Variants in QRICH1 observed in about 807,000 individuals in gnomAD.
The protein encoded by QRICH1 is glutamine rich 1.
A neutral mutation model predicts 87.1 loss-of-function variants in QRICH1; 16 were observed. The ratio of observed to expected loss-of-function variants is 0.18; its 90% CI spans 0.12 to 0.28. The LOEUF (loss-of-function observed/expected upper bound fraction) is 0.28, where lower values mean the gene tolerates loss of function less well. Among genes scored for constraint, QRICH1 ranks in the 10% least tolerant of loss-of-function variants. QRICH1 has a pLI of 1.00. For missense variants in QRICH1, 647 were observed against 951.7 expected (o/e 0.68, Z 4.21); for synonymous variants, 367 against 368.4 (o/e 1.00, Z 0.05).
chr3:49,062,698 C>T (rs2093442324), intron 2 of QRICH1, among the ~76,000 whole-genome samples: 1 of 150,262 alleles, frequency 6.7e-6, no homozygotes, highest in African/African-American at 2.4e-5. Context: ...CTCAATAAAG[C>T]TGTTACTAAG....
intron 1 of QRICH1, among the ~76,000 whole-genome samples, chr3:49,092,920 TATA>T (rs2042305501): frequency 1.3e-5 from 2 of 152,264 alleles, no homozygotes; most frequent in African/African-American, 4.8e-5. Flanking sequence ...GGGCCTTTAA[TATA>T]ATAAAGTAAG....
intron 1 of QRICH1, among the ~76,000 whole-genome samples, chr3:49,089,775 G>C (rs1204011024): frequency 1.3e-5 from 2 of 152,108 alleles, no homozygotes; most frequent in Non-Finnish European, 2.9e-5. Context: ...ATCTAAACTA[G>C]GTTAAGGGCT....
In QRICH1 at chr3:49,030,535, T is replaced by A. The variant is rs780388648; in HGVS notation, c.2248A>T (p.Met750Leu). ...AGGATCCGCGTCAGCATTTGTCCCATCTGCTCTCTGCTGATAGGCTGGACT... is the reference window on the plus strand; with the variant it reads ...AGGATCCGCGTCAGCATTTGTCCCAACTGCTCTCTGCTGATAGGCTGGACT... ...YSVQPISREQMGQMLTRILVI... is the reference protein window; with the variant it reads ...YSVQPISREQLGQMLTRILVI... The change falls in exon 10 of 10, where the codon ATG (methionine) becomes TTG (leucine). Residue 750 changes from methionine (M) to leucine (L), a missense_variant. Physicochemically the swap from Met to Leu is conservative, Grantham distance 15 (BLOSUM62 2). Coordinates refer to ENST00000395443, the MANE Select transcript of QRICH1 (RefSeq NM_198880.3). The A allele has an allele frequency of 6.2e-7, 1 of 1,614,006 alleles. No individual in the cohort carries two copies. Among genetic ancestry groups the A allele is most frequent in the African/African-American group, 1.3e-5 (1 of 74,916 alleles).
At position 49,094,019 on chromosome 3, in the gene QRICH1, T is replaced by G; in HGVS notation, c.-129A>C. 2.5e-6 allele frequency: 1 copy of G among 398,738 alleles called. No homozygotes were observed. Among genetic ancestry groups the G allele is most frequent in the Non-Finnish European group, 4.4e-6 (1 of 226,170 alleles). 24.7% of individuals were successfully genotyped at this position (398,738 alleles called of 1,614,324 possible). On this transcript the variant is annotated 5_prime_UTR_variant, in exon 1 of 10. Coordinates refer to ENST00000395443, the MANE Select transcript of QRICH1 (RefSeq NM_198880.3). ...GTCGTCGCTCCAAGACCGACAGGGT[T>G]TTCTCCTCACAGCTCCCTGGGCGCC... is the stretch of plus-strand genomic sequence containing the variant.
intron 6 of QRICH1, among the ~76,000 whole-genome samples, chr3:49,042,920 A>G (rs1210775354): frequency 6.6e-6 from 1 of 152,166 alleles, no homozygotes; most frequent in East Asian, 1.9e-4. Context: ...TGACACCATG[A>G]TGGTGACACA....
chr3:49,063,442 A>C (rs1422213976), intron 2 of QRICH1, among the ~76,000 whole-genome samples: 1 of 152,236 alleles, frequency 6.6e-6, no homozygotes, highest in Admixed American at 6.5e-5. Flanking sequence ...ACATAAGAGG[A>C]AACTATGTAG....
At position 49,064,502 on chromosome 3, in the gene QRICH1, C is replaced by T. The variant is rs984279222; in HGVS notation, c.310-6612G>A. On this transcript the variant is annotated intron_variant, in intron 2 of 9. Transcript: ENST00000395443. ...TCATATCCTCAAGCAATCCACCTAC[C>T]GCATCCTCCCAAAGTGCTGAGATTA... Among the ~76,000 whole-genome samples the T allele has an allele frequency of 5.9e-5, 9 of 152,036 alleles. No individual in the cohort carries two copies. The South Asian group carries it at 8.3e-4, about 14-fold the overall frequency.
chr3:49,085,600 C>CA lies in QRICH1; in HGVS notation c.-22+8311dup, dbSNP rs527740018. On this transcript the variant is annotated intron_variant, in intron 1 of 9. Coordinates refer to ENST00000395443, the MANE Select transcript of QRICH1 (RefSeq NM_198880.3). ...TGAAACCCCGCCTCTACTAAAAATA[C>CA]AAAAAAAATTAGCCAGGTGTGGTGA... Among the ~76,000 whole-genome samples, 923 of 151,168 alleles carry CA rather than the reference C, an allele frequency of 6.1e-3. 6 individuals carry two copies. The highest frequency in any genetic ancestry group is 0.018 in the African/African-American group (734 of 41,224).
chr3:49,090,972 C>T (rs1316177154), intron 1 of QRICH1, among the ~76,000 whole-genome samples: 2 of 152,140 alleles, frequency 1.3e-5, no homozygotes, highest in African/African-American at 4.8e-5. Flanking sequence ...CCTGTAATCC[C>T]AGCACTTTGG....
chr3:49,089,902 C>T (rs1321647157), intron 1 of QRICH1, among the ~76,000 whole-genome samples: 2 of 152,148 alleles, frequency 1.3e-5, no homozygotes, highest in African/African-American at 4.8e-5. Flanking sequence ...ATACTGGCAT[C>T]GTTTTATTTC....
intron 6 of QRICH1, among the ~76,000 whole-genome samples, chr3:49,035,840 C>G (rs372170712): frequency 6.7e-6 from 1 of 148,378 alleles, no homozygotes; most frequent in Admixed American, 6.7e-5. Context: ...CTTGGGAGGC[C>G]AAGGCAGGTG....
chr3:49,039,574 T>C (rs903323877), intron 6 of QRICH1, among the ~76,000 whole-genome samples: 1 of 136,288 alleles, frequency 7.3e-6, no homozygotes, highest in African/African-American at 2.8e-5. Flanking sequence ...TGTGCTGAGA[T>C]TGCACCACTG....
intron 3 of QRICH1, among the ~76,000 whole-genome samples, chr3:49,051,786 T>C (rs551570380): frequency 2.6e-5 from 4 of 152,248 alleles, no homozygotes; most frequent in South Asian, 4.1e-4. Context: ...GCTGAACAAG[T>C]AGGCAGTGGC....
chr3:49,032,773 C>A lies in QRICH1; in HGVS notation c.1896G>T (p.Lys632Asn). The change falls in exon 8 of 10, where the codon AAG becomes AAT. Residue 632 changes from lysine (K) to asparagine (N), a missense_variant and splice_region_variant. By Grantham distance (94) the Lys-to-Asn change is moderately conservative. Transcript: ENST00000395443. ...LLTTLMFFNT[K>N]YFLLKTVDQH... ...GGTCCACTGTCTTCAATAGGAAGTA[C>A]CTGGATCACAAGTAAAATGCAAGGC... 1 of 1,603,144 alleles carries A rather than the reference C, an allele frequency of 6.2e-7. No individual in the cohort carries two copies.
At chr3:49,064,382 T>C (rs2093454407) in intron 2 of QRICH1, among the ~76,000 whole-genome samples, 1 of 151,612 alleles carries the variant, frequency 6.6e-6, no homozygotes, top group Admixed American at 6.6e-5. Flanking sequence ...GCTGGGATTA[T>C]AGGTGCCCAC....
At chr3:49,064,333 C>T (rs142585064) in intron 2 of QRICH1, among the ~76,000 whole-genome samples, 182 of 150,728 alleles carry the variant, frequency 1.2e-3, no homozygotes, top group African/African-American at 4.2e-3. Flanking sequence ...TTTGTCTTCC[C>T]GGGTTCAAGC....
chr3:49,073,172 A>C (rs185615802), intron 2 of QRICH1, among the ~76,000 whole-genome samples: 6 of 152,322 alleles, frequency 3.9e-5, no homozygotes, highest in African/African-American at 1.2e-4. Flanking sequence ...TCCAGAATAC[A>C]ATGAAATTAA....
At chr3:49,077,743 T>C (rs1463155598) in intron 1 of QRICH1, among the ~76,000 whole-genome samples, 1 of 152,168 alleles carries the variant, frequency 6.6e-6, no homozygotes, top group Non-Finnish European at 1.5e-5. Context: ...ACAATAGTAC[T>C]TACCTCACAG....
At chr3:49,094,128 A>T (rs1249854063), upstream of QRICH1, 1 of 398,108 alleles carries the variant, frequency 2.5e-6, no homozygotes, top group East Asian at 3.6e-5. Context: ...GAGATCTGGG[A>T]CTGCCTACCG....
Sources: allele counts gnomAD v4.1 joint callset (sites outside exome capture counted in the v4.1 genomes callset), GRCh38; gene constraint gnomAD v4.1.1; transcripts MANE v1.5; gene names NCBI Gene and HGNC (gene_info 2026-07-23, HGNC 2026-07-21).